RINT1: variants seen among roughly 807,000 people sequenced by gnomAD.
RINT1 encodes the protein RAD50 interactor 1, also known as RAD50-interacting protein 1.
In RINT1, 75 loss-of-function variants were observed where a neutral mutation model predicts 97.7. The observed-to-expected ratio is 0.77, with a 90% CI of 0.64 to 0.93. RINT1 has a LOEUF of 0.93. Among genes scored for constraint, RINT1 ranks in the 40% least tolerant of loss-of-function variants. The pLI is 0.00. For missense variants in RINT1, 892 were observed against 925.2 expected (o/e 0.96, Z 0.47); for synonymous variants, 303 against 326.3 (o/e 0.93, Z 0.77).
intron 10 of RINT1, among the ~76,000 whole-genome samples, chr7:105,554,308 C>T (rs1464999804): frequency 6.6e-6 from 1 of 152,174 alleles, no homozygotes; most frequent in East Asian, 1.9e-4. Flanking sequence ...GCTGAGATTA[C>T]AGGTGTGAGC....
At chr7:105,565,157 G>A in intron 12 of RINT1, 120 bp from the exon 13 acceptor site, 1 of 696,466 alleles carries the variant, frequency 1.4e-6, no homozygotes, top group Non-Finnish European at 2.3e-6. Context: ...ATGTTAGGCT[G>A]TATATTTTTT....
At chr7:105,538,226 C>T (rs918048634) in intron 3 of RINT1, among the ~76,000 whole-genome samples, 3 of 152,076 alleles carry the variant, frequency 2.0e-5, no homozygotes, top group Non-Finnish European at 4.4e-5. Flanking sequence ...TCCTTGACCT[C>T]GTGATCCGCC....
Position 105,551,616 on chromosome 7 carries a change from G to C in RINT1, c.1380G>C (p.Trp460Cys), listed in dbSNP as rs774638843. ...CAATGCTTTCCTCAGAAGCTGCCTG[G>C]GTATCGCAATATAAGGATATCACTG... ...MDSMLSSEAAWVSQYKDITDV... is the reference protein window; with the variant it reads ...MDSMLSSEAACVSQYKDITDV... The change falls in exon 10 of 15, where the codon TGG becomes TGC. Residue 460 changes from tryptophan to cysteine, a missense_variant. Coordinates refer to ENST00000257700, the MANE Select transcript of RINT1 (RefSeq NM_021930.6). 3.1e-6 allele frequency: 5 copies of C among 1,609,702 alleles called. No individual in the cohort carries two copies. In the East Asian group the frequency reaches 1.1e-4, roughly 36 times the overall value.
Position 105,553,083 on chromosome 7 carries a change from A to G in RINT1, c.1471+1376A>G, listed in dbSNP as rs554093525. 4.3e-4 allele frequency among the ~76,000 whole-genome samples: 65 copies of G among 152,226 alleles called. No homozygotes were observed. In the South Asian group the frequency reaches 6.8e-3, roughly 16 times the overall value. On this transcript the variant is annotated intron_variant, in intron 10 of 14. Coordinates refer to ENST00000257700, the MANE Select transcript of RINT1 (RefSeq NM_021930.6). Reference sequence around the variant, plus strand: ...TTATTCAGAAAATTTTCAAACATACACAAAAGTAGGATAATATGATGAACT... The same window carrying G: ...TTATTCAGAAAATTTTCAAACATACGCAAAAGTAGGATAATATGATGAACT...
intron 10 of RINT1, among the ~76,000 whole-genome samples, 191 bp from the exon 11 acceptor site, chr7:105,554,836 GT>G (rs1167187314): frequency 6.6e-6 from 1 of 152,070 alleles, no homozygotes; most frequent in Non-Finnish European, 1.5e-5. Flanking sequence ...TATTTGTATT[GT>G]TCAATGAGTT....
chr7:105,552,862 CG>C (rs1340096600), intron 10 of RINT1, among the ~76,000 whole-genome samples: 1 of 151,514 alleles, frequency 6.6e-6, no homozygotes, highest in East Asian at 1.9e-4. Context: ...TTAGTAGAGA[CG>C]GGGTTTCACC....
At chr7:105,555,260 A>G (rs775902875) in intron 11 of RINT1, 33 bp downstream of exon 11, 2 of 1,530,910 alleles carry the variant, frequency 1.3e-6, no homozygotes, top group Admixed American at 1.9e-5. Flanking sequence ...TAAGTAATAT[A>G]TACTAGTTCG....
At chr7:105,554,196 C>T (rs1444079824) in intron 10 of RINT1, among the ~76,000 whole-genome samples, 5 of 151,414 alleles carry the variant, frequency 3.3e-5, no homozygotes, top group Non-Finnish European at 5.9e-5. Context: ...CTGTGCCCGG[C>T]GAATTTTTTT....
intron 10 of RINT1, 70 bp from the exon 11 acceptor site, chr7:105,554,958 T>A: frequency 8.4e-7 from 1 of 1,191,918 alleles, no homozygotes; most frequent in East Asian, 2.3e-5. Flanking sequence ...AGCAGGACAG[T>A]AGGGAAAACT....
At position 105,550,037 on chromosome 7, in the gene RINT1, A is replaced by G; in HGVS notation, c.997-18A>G. On this transcript the variant is annotated intron_variant, in intron 7 of 14. Coordinates refer to ENST00000257700, the MANE Select transcript of RINT1 (RefSeq NM_021930.6). ...TTGGAATGACTTAAGAATTCAAACTATTTTCCTCCTTCCTTAGCCAGAATG... is the reference window on the plus strand; with the variant it reads ...TTGGAATGACTTAAGAATTCAAACTGTTTTCCTCCTTCCTTAGCCAGAATG... 6.7e-7 allele frequency: 1 copy of G among 1,493,864 alleles called. No individual in the cohort carries two copies. The highest frequency in any genetic ancestry group is 9.3e-7 in the Non-Finnish European group (1 of 1,080,860). The allele number at this position is 1,493,864 out of a possible 1,614,324, so 92.5% of individuals were successfully genotyped here. A position where few individuals can be genotyped will look rare whatever the true frequency, so the allele number is the denominator to read the frequency against.
chr7:105,539,084 C>A (rs1054571188), intron 3 of RINT1, among the ~76,000 whole-genome samples: 1 of 152,204 alleles, frequency 6.6e-6, no homozygotes, highest in Non-Finnish European at 1.5e-5. Flanking sequence ...CTTTTACCCA[C>A]TGTAATCAGG....
chr7:105,539,518 G>A (rs1054339509), intron 3 of RINT1, among the ~76,000 whole-genome samples: 2 of 152,030 alleles, frequency 1.3e-5, no homozygotes, highest in Admixed American at 6.6e-5. Flanking sequence ...GTGCCACCAC[G>A]CTCGGCTAAT....
chr7:105,563,270 A>G (rs1791519213), intron 11 of RINT1, among the ~76,000 whole-genome samples: 1 of 152,218 alleles, frequency 6.6e-6, no homozygotes, highest in African/African-American at 2.4e-5. Flanking sequence ...GGGAGACGGT[A>G]TTAGAGGATA....
At chr7:105,548,269 A>G (rs1790764457) in intron 6 of RINT1, among the ~76,000 whole-genome samples, 1 of 152,026 alleles carries the variant, frequency 6.6e-6, no homozygotes, top group Admixed American at 6.6e-5. Flanking sequence ...GAAGTGGCCC[A>G]AGTGATTAGC....
In RINT1 at chr7:105,546,967, AGT is replaced by A; in HGVS notation, c.576_577del (p.Ser193TyrfsTer5). 1 of 1,613,882 alleles carries A rather than the reference AGT, an allele frequency of 6.2e-7. No individual in the cohort carries two copies. Among genetic ancestry groups the A allele is most frequent in the Non-Finnish European group, 8.5e-7 (1 of 1,179,894 alleles). ...ATGTACCGGAGGCAGCCTCCACTCT[AGT>A]GTCTATGGCAGAACTTGACATTAAA... is the stretch of plus-strand genomic sequence containing the variant. The part of the protein sequence containing the change: ...NNVPEAASTL[V>X]SMAELDIKLQ... On this transcript the variant is annotated frameshift_variant, in exon 5 of 15. Transcript: ENST00000257700. LOFTEE classifies it high-confidence loss of function.
At chr7:105,556,520 C>CT (rs1176047287) in intron 11 of RINT1, among the ~76,000 whole-genome samples, 1 of 146,366 alleles carries the variant, frequency 6.8e-6, no homozygotes, top group South Asian at 2.3e-4. Flanking sequence ...GGTAAGAACT[C>CT]TTTTAAAAAA....
Position 105,551,597 on chromosome 7 carries a change from T to C in RINT1, c.1361T>C (p.Leu454Pro), listed in dbSNP as rs1790928255. The change falls in exon 10 of 15, where the codon CTT becomes CCT. Residue 454 changes from leucine (L) to proline (P), a missense_variant. By Grantham distance (98) the Leu-to-Pro change is moderately conservative. Transcript: ENST00000257700. Reference protein sequence around the residue: ...KFALQKMDSMLSSEAAWVSQY... With the variant: ...KFALQKMDSMPSSEAAWVSQY... Reference sequence around the variant, plus strand: ...GCTCTTCAAAAAATGGACTCAATGCTTTCCTCAGAAGCTGCCTGGGTATCG... The same window carrying C: ...GCTCTTCAAAAAATGGACTCAATGCCTTCCTCAGAAGCTGCCTGGGTATCG... 6.2e-7 allele frequency: 1 copy of C among 1,607,000 alleles called. No individual in the cohort carries two copies. Among genetic ancestry groups the C allele is most frequent in the Admixed American group, 1.7e-5 (1 of 58,924 alleles).
rs368262635 is a variant in RINT1, at chr7:105,532,348, T to C, written c.33T>C (p.Pro11=). Residue 11 remains proline (P), a synonymous_variant, in exon 1 of 15, where the codon CCT becomes CCC. Transcript: ENST00000257700. ...CAGCCGGCGAGATCGGCGCCTCTCC[T>C]GCAGCCCCGGTGAGACGGCCCTGGC... is the stretch of plus-strand genomic sequence containing the variant. MLPAGEIGAS[P]AAPCCSESGD... is the part of the protein sequence containing the mutation. 1.2e-6 allele frequency: 2 copies of C among 1,601,036 alleles called. No individual in the cohort carries two copies. Among genetic ancestry groups the C allele is most frequent in the Non-Finnish European group, 1.7e-6 (2 of 1,175,420 alleles).
intron 1 of RINT1, 38 bp downstream of exon 1, chr7:105,532,395 T>C (rs780794952): frequency 4.8e-5 from 76 of 1,587,446 alleles, no homozygotes; most frequent in Non-Finnish European, 6.2e-5. Context: ...GGGACATTGG[T>C]GGCCCATTGA....
Sources: gnomAD v4.1 joint callset for allele counts (sites outside exome capture counted in the v4.1 genomes callset) on GRCh38, gnomAD v4.1.1 for gene constraint, MANE v1.5 for transcripts, NCBI Gene and HGNC (gene_info 2026-07-23, HGNC 2026-07-21) for gene names.